The following TUSC3 variants were observed in gnomAD, a reference collection of about 807,000 sequenced individuals.
TUSC3 encodes dolichyl-diphosphooligosaccharide--protein glycosyltransferase subunit TUSC3.
A neutral mutation model predicts 44.8 loss-of-function variants in TUSC3; 45 were observed. The ratio of observed to expected loss-of-function variants is 1.00; its 90% CI spans 0.79 to 1.29. TUSC3 has a LOEUF of 1.29. Ranked by LOEUF, TUSC3 falls within the 50% of genes most tolerant of loss-of-function variation. TUSC3 has a pLI of 0.00. For synonymous variants in TUSC3, 212 were observed against 152.9 expected (o/e 1.39, Z -2.85); for missense variants, 519 against 437.9 (o/e 1.19, Z -1.65).
chr8:15,807,256 T>C, the TUSC3 span: 1 of 621,510 alleles, frequency 1.6e-6, no homozygotes, highest in Non-Finnish European at 2.9e-6. Context: ...TGCTCTTCCA[T>C]CTTTGCTTGT....
At chr8:15,547,822 A>G (rs1318314929) in intron 1 of TUSC3, among the ~76,000 whole-genome samples, 1 of 151,602 alleles carries the variant, frequency 6.6e-6, no homozygotes, top group East Asian at 2.0e-4. Flanking sequence ...TTGAGTTCTC[A>G]TGGTAACATG....
At chr8:15,538,489 C>A (rs975363544), upstream of TUSC3, among the ~76,000 whole-genome samples, 2 of 152,192 alleles carry the variant, frequency 1.3e-5, no homozygotes, top group African/African-American at 4.8e-5. Flanking sequence ...ATAAGCATGA[C>A]TGTAGAGCCA....
At chr8:15,806,841 C>A in the TUSC3 span, 4 of 977,012 alleles carry the variant, frequency 4.1e-6, no homozygotes, top group South Asian at 5.3e-5. Flanking sequence ...ACAAAGTAAA[C>A]GTCTAGAGTC....
intron 1 of TUSC3, among the ~76,000 whole-genome samples, chr8:15,470,781 T>G (rs1800481585): frequency 1.3e-5 from 2 of 152,090 alleles, no homozygotes; most frequent in African/African-American, 4.8e-5. Flanking sequence ...TCCTCTGGTT[T>G]TCTGTCATGT....
At position 15,766,056 on chromosome 8, in the gene TUSC3, G is replaced by A. The variant is rs1812317006; in HGVS notation, c.*1900G>A. ...ATCCTCAGACACTATAACTAAGATA[G>A]ATAAGGAGTACTTTACTATACCATA... On this transcript the variant is annotated 3_prime_UTR_variant, in exon 11 of 11. Transcript: ENST00000503731. 6.6e-6 allele frequency: 1 copy of A among 152,012 alleles called. No homozygotes were observed. The highest frequency in any genetic ancestry group is 2.1e-4 in the South Asian group (1 of 4,830). 9.4% of individuals were successfully genotyped at this position (152,012 alleles called of 1,614,324 possible). A position where few individuals can be genotyped will look rare whatever the true frequency, so the allele number is the denominator to read the frequency against.
chr8:15,492,779 A>G (rs986257933), intron 2 of TUSC3, among the ~76,000 whole-genome samples: 2 of 145,622 alleles, frequency 1.4e-5, no homozygotes, highest in Non-Finnish European at 3.1e-5. Context: ...CTCCATAAAA[A>G]GGAAAAAAAA....
the TUSC3 span, among the ~76,000 whole-genome samples, chr8:15,848,388 C>G: frequency 0.036 from 5,455 of 152,272 alleles, 332 homozygotes; most frequent in African/African-American, 0.12. Flanking sequence ...CCCCTCACAT[C>G]AGAAAACAGG....
At chr8:15,636,352 A>G (rs1462864710) in intron 2 of TUSC3, among the ~76,000 whole-genome samples, 5 of 152,122 alleles carry the variant, frequency 3.3e-5, no homozygotes, top group African/African-American at 1.2e-4. Flanking sequence ...TGTTTTTTTA[A>G]TGTAAAACTG....
At chr8:15,664,748 T>C (rs926963731) in intron 5 of TUSC3, among the ~76,000 whole-genome samples, 10 of 149,622 alleles carry the variant, frequency 6.7e-5, no homozygotes, top group Admixed American at 2.0e-4. Context: ...TTTGATGGCC[T>C]TTGGCAACTC....
chr8:15,578,969 T>C (rs2129145976), intron 1 of TUSC3, among the ~76,000 whole-genome samples: 1 of 152,298 alleles, frequency 6.6e-6, no homozygotes, highest in South Asian at 2.1e-4. Context: ...GCTGGTAAGC[T>C]ATTGATTATT....
chr8:15,749,929 A>G (rs1215948814), intron 9 of TUSC3, among the ~76,000 whole-genome samples: 2 of 148,972 alleles, frequency 1.3e-5, no homozygotes, highest in Non-Finnish European at 3.0e-5. Flanking sequence ...TTCAAAGGAA[A>G]TGTTGTATCT....
intron 2 of TUSC3, among the ~76,000 whole-genome samples, chr8:15,503,636 C>T (rs746454822): frequency 9.2e-5 from 14 of 152,084 alleles, no homozygotes; most frequent in South Asian, 2.1e-4. Flanking sequence ...CCCAGGAATT[C>T]GAGGTTGCAG....
intron 1 of TUSC3, among the ~76,000 whole-genome samples, chr8:15,602,748 G>A (rs899692607): frequency 4.6e-5 from 7 of 150,696 alleles, no homozygotes; most frequent in African/African-American, 1.5e-4. Context: ...AATATGGGTT[G>A]TATGGAACCT....
At chr8:15,807,404 T>C in the TUSC3 span, 1 of 249,434 alleles carries the variant, frequency 4.0e-6, no homozygotes, top group Non-Finnish European at 7.7e-6. Context: ...GCTTATACAC[T>C]GTTGGTGGGA....
chr8:15,730,099 A>T (rs999197951), intron 6 of TUSC3, among the ~76,000 whole-genome samples: 4 of 152,178 alleles, frequency 2.6e-5, no homozygotes, highest in African/African-American at 9.6e-5. Flanking sequence ...TTAGAAGCCA[A>T]ATAATCTAGA....
chr8:15,731,868 C>T (rs1585278097), intron 7 of TUSC3, among the ~76,000 whole-genome samples: 1 of 152,112 alleles, frequency 6.6e-6, no homozygotes, highest in African/African-American at 2.4e-5. Flanking sequence ...TTCAAGCAAC[C>T]TATTTTATTT....
intron 7 of TUSC3, among the ~76,000 whole-genome samples, chr8:15,735,470 A>C (rs1292720549): frequency 6.6e-6 from 1 of 152,122 alleles, no homozygotes; most frequent in African/African-American, 2.4e-5. Context: ...TGAGAAAGGG[A>C]TTAATTTGTT....
the TUSC3 span, among the ~76,000 whole-genome samples, chr8:15,815,432 A>G: frequency 1.3e-5 from 2 of 152,146 alleles, no homozygotes; most frequent in Non-Finnish European, 2.9e-5. Flanking sequence ...ACAGACTCTT[A>G]AGAAGTAGAT....
intron 1 of TUSC3, among the ~76,000 whole-genome samples, chr8:15,582,301 A>G (rs144691579): frequency 5.8e-4 from 88 of 152,266 alleles, no homozygotes; most frequent in African/African-American, 2.0e-3. Context: ...TGTAGACCGG[A>G]GCTGTTCCTG....
Sources: allele counts gnomAD v4.1 joint callset (sites outside exome capture counted in the v4.1 genomes callset), GRCh38; gene constraint gnomAD v4.1.1; transcripts MANE v1.5; gene names NCBI Gene and HGNC (gene_info 2026-07-23, HGNC 2026-07-21).